Variants in FNBP1L observed in about 807,000 individuals in gnomAD.
FNBP1L encodes the protein formin-binding protein 1-like.
A neutral mutation model predicts 91.2 loss-of-function variants in FNBP1L; 36 were observed. The ratio of observed to expected loss-of-function variants is 0.39; its 90% CI spans 0.30 to 0.52. FNBP1L has a LOEUF of 0.52. Among genes scored for constraint, FNBP1L ranks in the 20% least tolerant of loss-of-function variants. The probability of loss-of-function intolerance (pLI) is 0.66; values close to 1 mark genes in which losing one functional copy is unlikely to be tolerated. For synonymous variants in FNBP1L, 242 were observed against 237.0 expected, an observed-to-expected ratio of 1.02 and a Z score of -0.19; for missense variants, 571 against 732.1, an observed-to-expected ratio of 0.78 and a Z score of 2.54.
chr1:93,478,523 G>A (rs1314806798), intron 1 of FNBP1L, among the ~76,000 whole-genome samples: 1 of 152,168 alleles, frequency 6.6e-6, no homozygotes, highest in Non-Finnish European at 1.5e-5. Flanking sequence ...GGAGAGGGGG[G>A]CAGTCCATGC....
chr1:93,511,598 C>T (rs888322418), intron 2 of FNBP1L, among the ~76,000 whole-genome samples: 7 of 152,134 alleles, frequency 4.6e-5, no homozygotes, highest in African/African-American at 1.7e-4. Flanking sequence ...CAAATTCACA[C>T]ATAACAATAT....
At chr1:93,486,991 A>G (rs1172949701) in intron 1 of FNBP1L, among the ~76,000 whole-genome samples, 1 of 152,178 alleles carries the variant, frequency 6.6e-6, no homozygotes, top group Non-Finnish European at 1.5e-5. Flanking sequence ...ATTCCTTAAA[A>G]GTGATGTCCA....
intron 12 of FNBP1L, among the ~76,000 whole-genome samples, chr1:93,544,795 G>A (rs185795943): frequency 2.4e-3 from 368 of 152,246 alleles, no homozygotes; most frequent in South Asian, 8.5e-3. Context: ...TAGCATGAGA[G>A]ATTGAAGTTT....
intron 1 of FNBP1L, among the ~76,000 whole-genome samples, chr1:93,480,344 C>T (rs747782384): frequency 1.3e-5 from 2 of 152,148 alleles, no homozygotes; most frequent in African/African-American, 2.4e-5. Context: ...CTTGCCATAG[C>T]GAGTGGAAAG....
At position 93,544,170 on chromosome 1, in the gene FNBP1L, C is replaced by T. The variant is rs1331988056; in HGVS notation, c.1228C>T (p.Arg410Cys). The change falls in exon 12 of 17, where the codon CGC (arginine) becomes TGC (cysteine). Residue 410 changes from arginine to cysteine, a missense_variant. Arg to Cys is a radical substitution (Grantham distance 180). This residue lies in a region of FNBP1L where 150 missense variants were observed against 155.9 expected (regional missense o/e 0.96). Transcript: ENST00000271234. ...PEQRRKKLQQ[R>C]IDELNRELQK... ...ACAGAGACGTAAAAAACTACAGCAG[C>T]GCATTGATGAACTTAACAGAGAACT... 4.3e-6 allele frequency: 7 copies of T among 1,611,774 alleles called. No individual in the cohort carries two copies. Among genetic ancestry groups the T allele is most frequent in the Non-Finnish European group, 5.9e-6 (7 of 1,178,618 alleles).
intron 10 of FNBP1L, among the ~76,000 whole-genome samples, chr1:93,536,927 G>T (rs980487932): frequency 6.6e-6 from 1 of 151,548 alleles, no homozygotes; most frequent in Non-Finnish European, 1.5e-5. Flanking sequence ...CTTATTTTCA[G>T]ATGTATAAAA....
intron 1 of FNBP1L, among the ~76,000 whole-genome samples, chr1:93,482,905 C>A (rs1393943807): frequency 6.6e-6 from 1 of 151,798 alleles, no homozygotes; most frequent in Admixed American, 6.6e-5. Flanking sequence ...GTAGTCCCAG[C>A]TACTCAGGAG....
rs1197322408 is a variant in FNBP1L, at chr1:93,524,177, T to TA, written c.343-84_343-83insA. ...GAAAAGCCTTTTGGGGACTTTAGACTTTAGTGTTTAAATGTAATTATTTTT... is the reference window on the plus strand; with the variant it reads ...GAAAAGCCTTTTGGGGACTTTAGACTATTAGTGTTTAAATGTAATTATTTTT... On this transcript the variant is annotated intron_variant, in intron 4 of 16. Transcript: ENST00000271234. The TA allele has an allele frequency of 3.5e-6, 4 of 1,144,550 alleles. No individual in the cohort carries two copies. The African/African-American group carries it at 6.4e-5, about 18-fold the overall frequency. 70.9% of individuals were successfully genotyped at this position (1,144,550 alleles called of 1,614,324 possible).
At chr1:93,483,894 C>T (rs1669806015) in intron 1 of FNBP1L, among the ~76,000 whole-genome samples, 1 of 152,148 alleles carries the variant, frequency 6.6e-6, no homozygotes, top group Non-Finnish European at 1.5e-5. Flanking sequence ...AAGACATCTG[C>T]ATCATTGATT....
intron 8 of FNBP1L, among the ~76,000 whole-genome samples, chr1:93,533,360 T>C (rs1346756558): frequency 1.3e-5 from 2 of 152,250 alleles, no homozygotes; most frequent in Non-Finnish European, 2.9e-5. Context: ...AATTGTGTTA[T>C]ACTATTATAT....
chr1:93,529,657 AAAG>A lies in FNBP1L; in HGVS notation c.415_417del (p.Lys139del), dbSNP rs1356858574. 1 of 1,485,650 alleles carries A rather than the reference AAAG, an allele frequency of 6.7e-7. No individual in the cohort carries two copies. Among genetic ancestry groups the A allele is most frequent in the Non-Finnish European group, 8.9e-7 (1 of 1,121,846 alleles). The allele number at this position is 1,485,650 out of a possible 1,614,324, so 92.0% of individuals were successfully genotyped here. ...TATTTTAATTTTTTTAACAGAGTAA[AAAG>A]AAGTTTGAAAGAGAATGTAGAGAGG... On this transcript the variant is annotated inframe_deletion, in exon 6 of 17. Coordinates refer to ENST00000271234, the MANE Select transcript of FNBP1L (RefSeq NM_001164473.3).
intron 10 of FNBP1L, 111 bp from the exon 11 acceptor site, chr1:93,540,931 G>T: frequency 2.3e-6 from 2 of 862,014 alleles, no homozygotes; most frequent in Non-Finnish European, 1.7e-6. Context: ...ATTGTGAAAT[G>T]TACGTGATTT....
chr1:93,486,260 G>A (rs1448663953), intron 1 of FNBP1L, among the ~76,000 whole-genome samples: 1 of 151,914 alleles, frequency 6.6e-6, no homozygotes, highest in African/African-American at 2.4e-5. Context: ...TTTATTGCAC[G>A]GATGTACCAC....
At chr1:93,505,239 G>A (rs1210413949) in intron 2 of FNBP1L, among the ~76,000 whole-genome samples, 1 of 151,784 alleles carries the variant, frequency 6.6e-6, no homozygotes, top group Non-Finnish European at 1.5e-5. Flanking sequence ...GTTCCTCGGA[G>A]CCGTAAAGAA....
Position 93,534,753 on chromosome 1 carries a change from G to A in FNBP1L, c.835G>A (p.Gly279Arg), listed in dbSNP as rs1199269929. The A allele has an allele frequency of 1.3e-6, 2 of 1,572,686 alleles. No individual in the cohort carries two copies. Among genetic ancestry groups the A allele is most frequent in the African/African-American group, 1.4e-5 (1 of 74,058 alleles). Reference sequence around the variant, plus strand: ...CTTCAAATCTGGTTTTGAACCTCCAGGAGACTTTCCATTTGAAGATTACAG... The same window carrying A: ...CTTCAAATCTGGTTTTGAACCTCCAAGAGACTTTCCATTTGAAGATTACAG... ...DSFKSGFEPP[G>R]DFPFEDYSQH... The change falls in exon 9 of 17, where the codon GGA (glycine) becomes AGA (arginine). Residue 279 changes from glycine to arginine, a missense_variant. By Grantham distance (125) the Gly-to-Arg change is moderately radical. Around this residue, in one of 5 missense-constraint regions of FNBP1L, gnomAD observed 8 missense variants for 24.9 expected, o/e 0.32. Coordinates refer to ENST00000271234, the MANE Select transcript of FNBP1L (RefSeq NM_001164473.3).
intron 1 of FNBP1L, among the ~76,000 whole-genome samples, chr1:93,456,299 C>G (rs963539530): frequency 3.9e-5 from 6 of 152,130 alleles, no homozygotes; most frequent in African/African-American, 1.4e-4. Flanking sequence ...AATCAGCAGA[C>G]TTTACAAATA....
chr1:93,541,153 C>A, intron 11 of FNBP1L, 97 bp downstream of exon 11: 2 of 1,151,738 alleles, frequency 1.7e-6, no homozygotes, highest in Non-Finnish European at 2.5e-6. Flanking sequence ...TTACATCCCA[C>A]GTTTTCACCT....
At chr1:93,542,462 A>AAAAAAC (rs1284522802) in intron 11 of FNBP1L, among the ~76,000 whole-genome samples, 1 of 150,394 alleles carries the variant, frequency 6.6e-6, no homozygotes, top group Non-Finnish European at 1.5e-5. Flanking sequence ...AAAAAAAAAA[A>AAAAAAC]AAAAGCAACA....
chr1:93,489,312 G>A (rs902433713), intron 1 of FNBP1L, among the ~76,000 whole-genome samples: 4 of 152,006 alleles, frequency 2.6e-5, no homozygotes, highest in African/African-American at 9.7e-5. Flanking sequence ...ATAATGATGT[G>A]TTGGGAACAA....
Sources: allele counts gnomAD v4.1 joint callset (sites outside exome capture counted in the v4.1 genomes callset), GRCh38; gene constraint gnomAD v4.1.1; regional missense constraint gnomAD v4.1.1; transcripts MANE v1.5; gene names NCBI Gene and HGNC (gene_info 2026-07-23, HGNC 2026-07-21).